The following CALHM4 variants were observed in gnomAD, a reference collection of about 807,000 sequenced individuals.
CALHM4 encodes the protein calcium homeostasis modulator protein 4.
Under a neutral mutation model 13.3 loss-of-function variants are expected in CALHM4, and 16 were observed. That is an observed-to-expected ratio of 1.20 (90% CI 0.81 to 1.82). CALHM4 has a LOEUF of 1.82. CALHM4 is among the 40% of genes most tolerant of loss of function. CALHM4 has a pLI of 0.00. For missense variants in CALHM4, 344 were observed against 374.9 expected (o/e 0.92, Z 0.68); for synonymous variants, 127 against 137.1 (o/e 0.93, Z 0.52).
chr6:116,543,484 G>GA lies in CALHM4; in HGVS notation c.-108-279dup, dbSNP rs914871862. On this transcript the variant is annotated intron_variant, in intron 1 of 2. Transcript: ENST00000368597. ...TTCTTTTGTTTATAAAATCTGGTTT[G>GA]AAGTAGCCTTAGAAGTCACCTGTAC... 1.4e-4 allele frequency: 163 copies of GA among 1,176,066 alleles called. No homozygotes were observed. The African/African-American group carries it at 2.3e-3, about 16-fold the overall frequency. 72.9% of individuals were successfully genotyped at this position (1,176,066 alleles called of 1,614,324 possible).
upstream of CALHM4, among the ~76,000 whole-genome samples, chr6:116,553,209 G>A (rs1244056435): frequency 6.6e-6 from 1 of 152,208 alleles, no homozygotes; most frequent in African/African-American, 2.4e-5. Context: ...AAATTTTTAT[G>A]CAAAGTTAGA....
rs1774443130 is a variant in CALHM4, at chr6:116,558,449, A to G, written c.*238A>G. 2 of 454,754 alleles carry G rather than the reference A, an allele frequency of 4.4e-6. No individual in the cohort carries two copies. Among genetic ancestry groups the G allele is most frequent in the East Asian group, 3.9e-5 (1 of 25,804 alleles). 28.2% of individuals were successfully genotyped at this position (454,754 alleles called of 1,614,324 possible). ...TAGAGTGGAATGTGAAGTCACATGG[A>G]AATTTGCATCTTAGTTCTGTTACTT... On this transcript the variant is annotated 3_prime_UTR_variant, in exon 2 of 2. Coordinates refer to ENST00000368596, the MANE Select transcript of CALHM4 (RefSeq NM_001366078.2).
chr6:116,555,630 T>C (rs1181677491), intron 1 of CALHM4, among the ~76,000 whole-genome samples: 1 of 152,230 alleles, frequency 6.6e-6, no homozygotes, highest in East Asian at 1.9e-4. Context: ...AAAAAGTTTA[T>C]GTAACTTGTA....
intron 1 of CALHM4, among the ~76,000 whole-genome samples, chr6:116,535,524 T>A (rs1019905120): frequency 1.3e-5 from 2 of 152,232 alleles, no homozygotes; most frequent in Non-Finnish European, 2.9e-5. Context: ...TATTTTATCA[T>A]AAATGTGTTT....
At chr6:116,551,485 T>G (rs1774076813), upstream of CALHM4, among the ~76,000 whole-genome samples, 1 of 152,238 alleles carries the variant, frequency 6.6e-6, no homozygotes, top group Non-Finnish European at 1.5e-5. Flanking sequence ...AGTTATTGTA[T>G]TAATATATAT....
chr6:116,543,424 G>A, intron 1 of CALHM4: 2 of 1,524,436 alleles, frequency 1.3e-6, no homozygotes, highest in Non-Finnish European at 1.8e-6. Flanking sequence ...GGTAGTTTCT[G>A]GTTATAGGCA....
intron 1 of CALHM4, chr6:116,543,437 T>G: frequency 6.8e-7 from 1 of 1,473,650 alleles, no homozygotes; most frequent in Non-Finnish European, 9.3e-7. Context: ...TATAGGCAAG[T>G]TATGACAGTA....
At chr6:116,543,757 G>A (rs1773603267) in intron 1 of CALHM4, 1 of 1,395,064 alleles carries the variant, frequency 7.2e-7, no homozygotes, top group East Asian at 2.5e-5. Context: ...TGCCATCCAT[G>A]TTTTCAGTTG....
chr6:116,543,841 T>C (rs1583300934), exon 2 of CALHM4: 8 of 1,534,364 alleles, frequency 5.2e-6, no homozygotes, highest in Non-Finnish European at 6.1e-6. Flanking sequence ...CAAGGAGACC[T>C]TCAGGATAAA....
intron 2 of CALHM4, among the ~76,000 whole-genome samples, chr6:116,544,106 C>G (rs551287823): frequency 6.9e-5 from 10 of 145,596 alleles, no homozygotes; most frequent in Non-Finnish European, 1.2e-4. Context: ...AGACAAAGTG[C>G]TGCCATGTAC....
At chr6:116,546,145 A>G (rs1773767463) in intron 2 of CALHM4, among the ~76,000 whole-genome samples, 3 of 152,186 alleles carry the variant, frequency 2.0e-5, no homozygotes, top group Admixed American at 1.3e-4. Flanking sequence ...GCAGCAATCA[A>G]CAACATTAAG....
At chr6:116,542,701 G>A (rs568595764) in intron 1 of CALHM4, among the ~76,000 whole-genome samples, 1 of 152,194 alleles carries the variant, frequency 6.6e-6, no homozygotes, top group East Asian at 1.9e-4. Context: ...AAGAGAATGG[G>A]TCTCATTTAA....
chr6:116,555,620 A>C (rs1375225037), intron 1 of CALHM4, among the ~76,000 whole-genome samples: 3 of 152,266 alleles, frequency 2.0e-5, no homozygotes, highest in Non-Finnish European at 2.9e-5. Context: ...ATCAAAGCTC[A>C]AAAAGTTTAT....
chr6:116,542,473 G>A (rs1213342458), intron 1 of CALHM4, among the ~76,000 whole-genome samples: 2 of 151,960 alleles, frequency 1.3e-5, no homozygotes, highest in Non-Finnish European at 2.9e-5. Flanking sequence ...AAAATGTTAG[G>A]CTAAATTTCC....
chr6:116,533,761 T>G (rs1772895300), intron 1 of CALHM4, among the ~76,000 whole-genome samples: 3 of 152,164 alleles, frequency 2.0e-5, no homozygotes, highest in African/African-American at 7.2e-5. Flanking sequence ...TTTTCTTCTG[T>G]CTCTAGCGTG....
chr6:116,529,679 C>T (rs1772579115), intron 1 of CALHM4, among the ~76,000 whole-genome samples: 1 of 152,212 alleles, frequency 6.6e-6, no homozygotes, highest in East Asian at 1.9e-4. Flanking sequence ...AATGATGTGC[C>T]TTCCACCCTC....
intron 1 of CALHM4, among the ~76,000 whole-genome samples, chr6:116,530,574 G>A (rs1015921722): frequency 3.9e-5 from 6 of 152,152 alleles, no homozygotes; most frequent in East Asian, 3.9e-4. Context: ...CTACCAAAGC[G>A]TTCCTCTGAG....
chr6:116,552,886 T>A (rs1340629291), upstream of CALHM4, among the ~76,000 whole-genome samples: 2 of 152,100 alleles, frequency 1.3e-5, no homozygotes, highest in Non-Finnish European at 2.9e-5. Context: ...CATCTTGGCT[T>A]ACACGGTGAA....
intron 2 of CALHM4, chr6:116,545,643 T>A: frequency 2.9e-6 from 2 of 688,168 alleles, no homozygotes; most frequent in Non-Finnish European, 4.7e-6. Context: ...GGAGTGCTGC[T>A]TCTGCACTCT....
Sources: gnomAD v4.1 joint callset for allele counts (sites outside exome capture counted in the v4.1 genomes callset) on GRCh38, gnomAD v4.1.1 for gene constraint, MANE v1.5 for transcripts, NCBI Gene and HGNC (gene_info 2026-07-23, HGNC 2026-07-21) for gene names.